AFAP1L2: variants seen among roughly 807,000 people sequenced by gnomAD.
AFAP1L2 encodes actin filament associated protein 1 like 2.
In AFAP1L2, 46 loss-of-function variants were observed where a neutral mutation model predicts 99.3. The ratio of observed to expected loss-of-function variants is 0.46; its 90% CI spans 0.37 to 0.59. The LOEUF (loss-of-function observed/expected upper bound fraction) is 0.59. Among genes scored for constraint, AFAP1L2 ranks in the 20% least tolerant of loss-of-function variants. The pLI, the probability that AFAP1L2 is intolerant of heterozygous loss-of-function variation, is 0.00. For synonymous variants in AFAP1L2, 397 were observed against 419.1 expected, an observed-to-expected ratio of 0.95 and a Z score of 0.64; for missense variants, 959 against 1,034.9, an observed-to-expected ratio of 0.93 and a Z score of 1.01.
intron 2 of AFAP1L2, among the ~76,000 whole-genome samples, chr10:114,335,612 CAAA>C (rs57598926): frequency 7.6e-6 from 1 of 131,926 alleles, no homozygotes; most frequent in African/African-American, 3.0e-5. Context: ...GACTCCGTCT[CAAA>C]AAAAAAAAAA....
chr10:114,283,548 G>A, the AFAP1L2 span, among the ~76,000 whole-genome samples: 7 of 152,178 alleles, frequency 4.6e-5, no homozygotes, highest in Admixed American at 1.3e-4. Context: ...GAGGACTTCC[G>A]GTTTGGAAAC....
chr10:114,308,483 T>C lies in AFAP1L2; in HGVS notation c.917A>G (p.Glu306Gly), dbSNP rs756238169. The change falls in exon 9 of 19, where the codon GAG becomes GGG. Residue 306 changes from glutamate (E) to glycine (G), a missense_variant. This residue lies in a region of AFAP1L2 where 383 missense variants were observed against 472.8 expected (regional missense o/e 0.81). Coordinates refer to ENST00000304129, the MANE Select transcript of AFAP1L2 (RefSeq NM_001001936.3). ...DIAEKYLSAS[E>G]YGSSVDGHPE... ...GTGGCCATCCACGGAGCTCCCATAC[T>C]CTGAAGCCGACAGGTACTTCTCAGC... 1 of 1,614,216 alleles carries C rather than the reference T, an allele frequency of 6.2e-7. No individual in the cohort carries two copies. Among genetic ancestry groups the C allele is most frequent in the Non-Finnish European group, 8.5e-7 (1 of 1,180,034 alleles).
chr10:114,300,641 C>G lies in AFAP1L2; in HGVS notation c.1592G>C (p.Arg531Thr). The change falls in exon 14 of 19, where the codon AGA (arginine) becomes ACA (threonine). Residue 531 changes from arginine to threonine, a missense_variant. Arg to Thr is a moderately conservative substitution (Grantham distance 71). Around this residue, in one of 2 missense-constraint regions of AFAP1L2, gnomAD observed 576 missense variants for 562.1 expected, o/e 1.02. Coordinates refer to ENST00000304129, the MANE Select transcript of AFAP1L2 (RefSeq NM_001001936.3). ...GTCCAGGTACACTCGGTCAGATTCT[C>G]TCTCATTTGGGTCATCTGCAACAGG... ...ATPVADDPNERESDRVYLDLT... is the reference protein window; with the variant it reads ...ATPVADDPNETESDRVYLDLT... 6.2e-7 allele frequency: 1 copy of G among 1,612,364 alleles called. No homozygotes were observed. The highest frequency in any genetic ancestry group is 8.5e-7 in the Non-Finnish European group (1 of 1,179,048).
rs566682092 is a variant in AFAP1L2, at chr10:114,371,219, C to T, written c.17-30488G>A. 2.8e-4 allele frequency among the ~76,000 whole-genome samples: 42 copies of T among 152,298 alleles called. No homozygotes were observed. The South Asian group carries it at 7.5e-3, about 27-fold the overall frequency. ...CAGAAGTGGCTGAAATCATGCCAAA[C>T]GCTTTGCTCAGCCTGGTTGTTGATA... is the stretch of plus-strand genomic sequence containing the variant. On this transcript the variant is annotated intron_variant, in intron 1 of 18. Coordinates refer to ENST00000304129, the MANE Select transcript of AFAP1L2 (RefSeq NM_001001936.3).
At chr10:114,312,669 G>A (rs777478660) in intron 7 of AFAP1L2, among the ~76,000 whole-genome samples, 20 of 152,204 alleles carry the variant, frequency 1.3e-4, no homozygotes, top group Non-Finnish European at 2.8e-4. Flanking sequence ...CAGAGCCCTG[G>A]CTCTTAAATG....
chr10:114,300,775 C>G, intron 13 of AFAP1L2, 85 bp from the exon 14 acceptor site: 4 of 1,498,914 alleles, frequency 2.7e-6, no homozygotes, highest in Non-Finnish European at 8.9e-7. Context: ...CCTCACAGTT[C>G]TGGTGCCCAT....
Position 114,296,014 on chromosome 10 carries a change from A to G in AFAP1L2, c.*28T>C. The G allele has an allele frequency of 1.2e-6, 2 of 1,614,152 alleles. No individual in the cohort carries two copies. The highest frequency in any genetic ancestry group is 2.2e-5 in the East Asian group (1 of 44,878). On this transcript the variant is annotated 3_prime_UTR_variant, in exon 19 of 19. Transcript: ENST00000304129. Reference sequence around the variant, plus strand: ...GATTGTCACCAAGGTCCACATTGACATGAGAGTCTTTAGATGAAGCTTGTT... The same window carrying G: ...GATTGTCACCAAGGTCCACATTGACGTGAGAGTCTTTAGATGAAGCTTGTT...
intron 1 of AFAP1L2, among the ~76,000 whole-genome samples, chr10:114,389,538 C>T (rs879441276): frequency 2.6e-5 from 4 of 152,226 alleles, no homozygotes; most frequent in Non-Finnish European, 1.5e-5. Flanking sequence ...AACATTTGGA[C>T]GCTGGCTGTC....
At chr10:114,292,063 G>A (rs2039652842), downstream of AFAP1L2, among the ~76,000 whole-genome samples, 1 of 152,108 alleles carries the variant, frequency 6.6e-6, no homozygotes, top group Non-Finnish European at 1.5e-5. Flanking sequence ...GATCACCCGA[G>A]GTCAGGAGTT....
chr10:114,295,161 A>C lies in AFAP1L2; in HGVS notation c.*881T>G. 1.0e-6 allele frequency: 1 copy of C among 985,776 alleles called. No homozygotes were observed. Among genetic ancestry groups the C allele is most frequent in the African/African-American group, 1.7e-5 (1 of 57,346 alleles). 61.1% of individuals were successfully genotyped at this position (985,776 alleles called of 1,614,324 possible). ...AGAATGAACATTAAACAGAACTTAAAATCAGAGACTATTTATATTAAATAA... is the reference window on the plus strand; with the variant it reads ...AGAATGAACATTAAACAGAACTTAACATCAGAGACTATTTATATTAAATAA... On this transcript the variant is annotated 3_prime_UTR_variant, in exon 19 of 19. Transcript: ENST00000304129.
intron 2 of AFAP1L2, among the ~76,000 whole-genome samples, chr10:114,339,268 A>C (rs1032203847): frequency 6.6e-6 from 1 of 151,854 alleles, no homozygotes; most frequent in Non-Finnish European, 1.5e-5. Flanking sequence ...ACCACGGTGA[A>C]ACCCCGTCTC....
chr10:114,287,496 G>A, the AFAP1L2 span, among the ~76,000 whole-genome samples: 1 of 152,096 alleles, frequency 6.6e-6, no homozygotes, highest in Non-Finnish European at 1.5e-5. Context: ...GGCTCCTGGA[G>A]TTCTCCCCTT....
At chr10:114,348,259 T>C (rs973844906) in intron 1 of AFAP1L2, among the ~76,000 whole-genome samples, 2 of 152,184 alleles carry the variant, frequency 1.3e-5, no homozygotes, top group African/African-American at 4.8e-5. Flanking sequence ...TTAAATACAG[T>C]AAACGCTCCT....
the AFAP1L2 span, chr10:114,286,366 G>C: frequency 5.6e-6 from 9 of 1,613,832 alleles, 1 homozygote; most frequent in South Asian, 8.8e-5. Flanking sequence ...AGCTGCTCCT[G>C]CTGGGTGTAG....
rs11599051 is a variant in AFAP1L2 at position 114,297,351 on chromosome 10, C to T, written c.2176G>A (p.Glu726Lys). The T allele has an allele frequency of 7.3e-4, 1,171 of 1,613,820 alleles. 3 individuals carry two copies. The highest frequency in any genetic ancestry group is 8.2e-4 in the Non-Finnish European group (967 of 1,180,038). Residue 726 changes from glutamate (E) to lysine (K), a missense_variant, in exon 17 of 19, where the codon GAG becomes AAG. By Grantham distance (56) the Glu-to-Lys change is moderately conservative. Around this residue, in one of 2 missense-constraint regions of AFAP1L2, gnomAD observed 576 missense variants for 562.1 expected, o/e 1.02. Transcript: ENST00000304129. ...LKEIDEECRGEESRRVDLELS... is the reference protein window; with the variant it reads ...LKEIDEECRGKESRRVDLELS... ...TCCAGGTCCACGCGCCTGCTCTCCTCGCCCCGGCACTCCTCGTCAATTTCC... is the reference window on the plus strand; with the variant it reads ...TCCAGGTCCACGCGCCTGCTCTCCTTGCCCCGGCACTCCTCGTCAATTTCC...
Position 114,370,564 on chromosome 10 carries a change from C to A in AFAP1L2, c.17-29833G>T, listed in dbSNP as rs566231824. On this transcript the variant is annotated intron_variant, in intron 1 of 18. Coordinates refer to ENST00000304129, the MANE Select transcript of AFAP1L2 (RefSeq NM_001001936.3). The stretch of plus-strand genomic sequence containing the variant: ...GCCTGATCCACTAGGGTAGCTAAAT[C>A]CTGCCCCGTGTATTTTCTTGCACTT... Among the ~76,000 whole-genome samples, 3 of 152,348 alleles carry A rather than the reference C, an allele frequency of 2.0e-5. No homozygotes were observed. The South Asian group carries it at 6.2e-4, about 32-fold the overall frequency.
chr10:114,371,374 G>A (rs2054071071), intron 1 of AFAP1L2, among the ~76,000 whole-genome samples: 1 of 152,190 alleles, frequency 6.6e-6, no homozygotes, highest in Non-Finnish European at 1.5e-5. Flanking sequence ...AATCAGGGAA[G>A]GAAAGCCTTT....
chr10:114,304,821 T>C lies in AFAP1L2; in HGVS notation c.1182A>G (p.Gln394=). 2 of 1,613,062 alleles carry C rather than the reference T, an allele frequency of 1.2e-6. No homozygotes were observed. Among genetic ancestry groups the C allele is most frequent in the South Asian group, 1.1e-5 (1 of 91,050 alleles). ...QDRNRSKVAQ[Q]PLSLVGCEVV... ...CCTCGCAGCCCACCAGGCTGAGGGGTTGCTGGGCCACCTTGCTCCGGTTCC... is the reference window on the plus strand; with the variant it reads ...CCTCGCAGCCCACCAGGCTGAGGGGCTGCTGGGCCACCTTGCTCCGGTTCC... The change falls in exon 11 of 19, where the codon CAA becomes CAG. Residue 394 remains glutamine, a synonymous_variant. Coordinates refer to ENST00000304129, the MANE Select transcript of AFAP1L2 (RefSeq NM_001001936.3).
the AFAP1L2 span, chr10:114,289,536 C>G: frequency 6.2e-7 from 1 of 1,601,164 alleles, no homozygotes; most frequent in East Asian, 2.2e-5. Flanking sequence ...ATGGCAGGCC[C>G]TCAGCCTGAG....
Sources: gnomAD v4.1 joint callset for allele counts (sites outside exome capture counted in the v4.1 genomes callset) on GRCh38, gnomAD v4.1.1 for gene constraint, gnomAD v4.1.1 regional missense constraint, MANE v1.5 for transcripts, NCBI Gene and HGNC (gene_info 2026-07-23, HGNC 2026-07-21) for gene names.